PPIL4: variants seen among roughly 807,000 people sequenced by gnomAD.
PPIL4 encodes peptidyl-prolyl cis-trans isomerase-like 4.
Under a neutral mutation model 69.1 loss-of-function variants are expected in PPIL4, and 50 were observed. The ratio of observed to expected loss-of-function variants is 0.72; its 90% CI spans 0.58 to 0.92. The LOEUF (loss-of-function observed/expected upper bound fraction) is 0.92. Among genes scored for constraint, PPIL4 ranks in the 40% least tolerant of loss-of-function variants. PPIL4 has a pLI of 0.00. For synonymous variants in PPIL4, 193 were observed against 191.6 expected (o/e 1.01, Z -0.06); for missense variants, 480 against 587.9 (o/e 0.82, Z 1.90).
At chr6:149,524,413 A>C (rs904399812) in intron 9 of PPIL4, among the ~76,000 whole-genome samples, 6 of 152,242 alleles carry the variant, frequency 3.9e-5, no homozygotes, top group African/African-American at 1.4e-4. Context: ...TTTATTTATA[A>C]GAAGGTAAGA....
intron 12 of PPIL4, 21 bp downstream of exon 12, chr6:149,512,134 A>C: frequency 6.4e-7 from 1 of 1,565,444 alleles, no homozygotes; most frequent in Non-Finnish European, 8.7e-7. Flanking sequence ...CTCCACATCT[A>C]AGTCTGGACA....
At chr6:149,519,781 A>G (rs1225361028) in intron 10 of PPIL4, among the ~76,000 whole-genome samples, 1 of 152,198 alleles carries the variant, frequency 6.6e-6, no homozygotes, top group Non-Finnish European at 1.5e-5. Flanking sequence ...CTAAAAACAG[A>G]CAAAAAAAAC....
chr6:149,536,530 G>A (rs184388717), intron 4 of PPIL4, among the ~76,000 whole-genome samples: 1 of 152,250 alleles, frequency 6.6e-6, no homozygotes, highest in East Asian at 1.9e-4. Flanking sequence ...GCTTACTGCT[G>A]ATATGAAGAA....
intron 4 of PPIL4, among the ~76,000 whole-genome samples, chr6:149,540,106 C>G (rs1025130580): frequency 6.6e-6 from 1 of 151,770 alleles, no homozygotes; most frequent in African/African-American, 2.4e-5. Flanking sequence ...TCCAGCCTGG[C>G]TGACAGAGCA....
intron 7 of PPIL4, among the ~76,000 whole-genome samples, chr6:149,529,779 G>A (rs1354036797): frequency 4.9e-5 from 7 of 143,564 alleles, no homozygotes. Flanking sequence ...AAAAAAAAAA[G>A]GAGGGAAAGA....
chr6:149,522,503 T>C (rs548888623), intron 9 of PPIL4, among the ~76,000 whole-genome samples: 2 of 152,298 alleles, frequency 1.3e-5, no homozygotes, highest in South Asian at 4.1e-4. Context: ...TCTATACATA[T>C]ATGGATACCG....
intron 1 of PPIL4, among the ~76,000 whole-genome samples, chr6:149,543,764 G>A (rs926235364): frequency 6.6e-6 from 1 of 151,982 alleles, no homozygotes; most frequent in African/African-American, 2.4e-5. Context: ...AGATTAAATA[G>A]ATGCACTGGA....
Position 149,525,123 on chromosome 6 carries a change from A to C in PPIL4, c.870+20T>G, listed in dbSNP as rs571746443. ...ATAAAAGCAAATAAATACCAAACTT[A>C]TGTCTGTATTATGACATACCTTTTC... On this transcript the variant is annotated intron_variant, in intron 9 of 12. Transcript: ENST00000253329. 4 of 1,279,530 alleles carry C rather than the reference A, an allele frequency of 3.1e-6. No homozygotes were observed. In the South Asian group the frequency reaches 4.0e-5, roughly 13 times the overall value. 79.3% of individuals were successfully genotyped at this position (1,279,530 alleles called of 1,614,324 possible). A position where few individuals can be genotyped will look rare whatever the true frequency, so the allele number is the denominator to read the frequency against.
At chr6:149,517,121 C>A (rs1051881543) in intron 11 of PPIL4, 8 of 331,506 alleles carry the variant, frequency 2.4e-5, no homozygotes, top group African/African-American at 1.5e-4. Flanking sequence ...AATTAGGCTA[C>A]AGATTTCTTT....
chr6:149,509,955 C>G (rs1562255586), intron 12 of PPIL4, among the ~76,000 whole-genome samples: 1 of 152,050 alleles, frequency 6.6e-6, no homozygotes, highest in African/African-American at 2.4e-5. Flanking sequence ...AGAGACAGGG[C>G]CTCCTATGTT....
At chr6:149,532,685 G>GT (rs1424368226) in intron 7 of PPIL4, among the ~76,000 whole-genome samples, 3 of 152,182 alleles carry the variant, frequency 2.0e-5, no homozygotes, top group Non-Finnish European at 4.4e-5. Flanking sequence ...ATTGTGGTGT[G>GT]TGACTGTGGT....
At chr6:149,541,287 G>T in intron 3 of PPIL4, 80 bp downstream of exon 3, 1 of 578,250 alleles carries the variant, frequency 1.7e-6, no homozygotes, top group Non-Finnish European at 2.6e-6. Flanking sequence ...AAGAATAAAA[G>T]AATTTGTTCT....
At position 149,512,233 on chromosome 6, in the gene PPIL4, T is replaced by C; in HGVS notation, c.1149A>G (p.Lys383=). The change falls in exon 12 of 13, where the codon AAA becomes AAG. Residue 383 remains lysine, a synonymous_variant. Coordinates refer to ENST00000253329, the MANE Select transcript of PPIL4 (RefSeq NM_139126.4). The stretch of plus-strand genomic sequence containing the variant: ...AGTGATGGGTTTTCTTCTTGTGTTT[T>C]TTACTTGTGTGTGAGTGACTTGATT... The part of the protein sequence containing the change: ...DSKSSHSHTS[K]KHKKKTHHCS... 2 of 1,613,672 alleles carry C rather than the reference T, an allele frequency of 1.2e-6. No individual in the cohort carries two copies. Among genetic ancestry groups the C allele is most frequent in the Non-Finnish European group, 1.7e-6 (2 of 1,179,688 alleles).
chr6:149,518,257 T>C (rs991137235), intron 10 of PPIL4, among the ~76,000 whole-genome samples: 15 of 152,202 alleles, frequency 9.9e-5, no homozygotes, highest in Non-Finnish European at 1.5e-4. Context: ...GAGCATTCAA[T>C]GCAGCCTCTC....
chr6:149,513,338 T>C (rs1776884855), intron 11 of PPIL4, among the ~76,000 whole-genome samples: 1 of 125,688 alleles, frequency 8.0e-6, no homozygotes, highest in Non-Finnish European at 1.6e-5. Context: ...TGAGCCGAGG[T>C]TGCACTACTG....
chr6:149,536,750 A>AG (rs1293702185), intron 4 of PPIL4, among the ~76,000 whole-genome samples: 1 of 151,896 alleles, frequency 6.6e-6, no homozygotes, highest in East Asian at 1.9e-4. Flanking sequence ...AAAAAAAAAA[A>AG]AAAAGAAAAG....
chr6:149,522,759 C>T (rs575959531), intron 9 of PPIL4, among the ~76,000 whole-genome samples: 9 of 152,208 alleles, frequency 5.9e-5, no homozygotes, highest in Admixed American at 1.3e-4. Context: ...ACTACAGGCA[C>T]GCACCACCAT....
intron 9 of PPIL4, 74 bp from the exon 10 acceptor site, chr6:149,521,245 A>G (rs1777025415): frequency 1.1e-6 from 1 of 898,498 alleles, no homozygotes; most frequent in Non-Finnish European, 1.8e-6. Flanking sequence ...CTGAAAATAC[A>G]AAAAGTTTGT....
At chr6:149,513,471 T>C (rs1183049652) in intron 11 of PPIL4, among the ~76,000 whole-genome samples, 2 of 143,046 alleles carry the variant, frequency 1.4e-5, no homozygotes, top group Non-Finnish European at 3.0e-5. Context: ...AGTATTACTT[T>C]TAGTAGCAAA....
Sources: gnomAD v4.1 joint callset for allele counts (sites outside exome capture counted in the v4.1 genomes callset) on GRCh38, gnomAD v4.1.1 for gene constraint, MANE v1.5 for transcripts, NCBI Gene and HGNC (gene_info 2026-07-23, HGNC 2026-07-21) for gene names.